The following CFAP70 variants were observed in gnomAD, a reference collection of about 807,000 sequenced individuals.
The protein encoded by CFAP70 is cilia and flagella associated protein 70.
CFAP70 carries 81 observed loss-of-function variants against 137.6 expected under a neutral mutation model. The observed-to-expected ratio is 0.59, with a 90% confidence interval of 0.49 to 0.71. The LOEUF is 0.71. Ranked by LOEUF, CFAP70 falls within the 30% of genes least tolerant of loss-of-function variation. The pLI, the probability that CFAP70 is intolerant of heterozygous loss-of-function variation, is 0.00. For missense variants in CFAP70, 976 were observed against 1,226.7 expected, an observed-to-expected ratio of 0.80 and a Z score of 3.05; for synonymous variants, 382 against 423.6, an observed-to-expected ratio of 0.90 and a Z score of 1.20.
chr10:73,351,109 A>ATATATATG (rs1554929843), intron 3 of CFAP70, among the ~76,000 whole-genome samples: 2 of 92,870 alleles, frequency 2.2e-5, no homozygotes, highest in African/African-American at 5.9e-5. Context: ...ATATATATAT[A>ATATATATG]TATGTATGTT....
intron 25 of CFAP70, among the ~76,000 whole-genome samples, chr10:73,267,930 G>A (rs1204590660): frequency 6.6e-6 from 1 of 152,108 alleles, no homozygotes; most frequent in East Asian, 1.9e-4. Context: ...TTGACATGTG[G>A]TCCTTCTCCA....
At chr10:73,334,665 C>T (rs1338067887) in intron 7 of CFAP70, among the ~76,000 whole-genome samples, 2 of 151,772 alleles carry the variant, frequency 1.3e-5, no homozygotes, top group Admixed American at 1.3e-4. Flanking sequence ...CTACAACCTC[C>T]ACCTCCTGGG....
At chr10:73,288,551 C>T (rs1374397769) in intron 19 of CFAP70, among the ~76,000 whole-genome samples, 1 of 152,162 alleles carries the variant, frequency 6.6e-6, no homozygotes, top group Non-Finnish European at 1.5e-5. Context: ...ACTGCCAGCA[C>T]TTGGGTTCAT....
rs1171257080 is a variant in CFAP70 at position 73,269,802 on chromosome 10, T to C, written c.2926-87A>G. The C allele has an allele frequency of 1.2e-5, 8 of 689,968 alleles. No homozygotes were observed. In the African/African-American group the frequency reaches 1.4e-4, roughly 12 times the overall value. The allele number at this position is 689,968 out of a possible 1,614,324, so 42.7% of individuals were successfully genotyped here. A position where few individuals can be genotyped will look rare whatever the true frequency, so the allele number is the denominator to read the frequency against. On this transcript the variant is annotated intron_variant, in intron 24 of 26. Coordinates refer to ENST00000310715, the Ensembl canonical transcript of CFAP70. ...TGGTGTATATGACCTATACCAATGGTTTTCAACTTTTTAATATTTTTAGCA... is the reference window on the plus strand; with the variant it reads ...TGGTGTATATGACCTATACCAATGGCTTTCAACTTTTTAATATTTTTAGCA...
At chr10:73,287,611 C>A (rs899774758) in intron 19 of CFAP70, among the ~76,000 whole-genome samples, 4 of 152,052 alleles carry the variant, frequency 2.6e-5, no homozygotes, top group African/African-American at 9.7e-5. Context: ...TCTTAGGAAG[C>A]TTCTGGAGGA....
rs985308111 is a variant in CFAP70 at position 73,350,814 on chromosome 10, G to A, written c.251-2293C>T. Among the ~76,000 whole-genome samples the A allele has an allele frequency of 1.1e-4, 17 of 151,852 alleles. No homozygotes were observed. In the East Asian group the frequency reaches 3.3e-3, roughly 29 times the overall value. On this transcript the variant is annotated intron_variant, in intron 3 of 26. Transcript: ENST00000310715. ...CTCACTCTGTCACCTGGGCTGGAAG[G>A]CAGTGGTGCGCTCTCAGCTCACTGC...
At chr10:73,354,078 GGC>G (rs2054486759) in intron 2 of CFAP70, among the ~76,000 whole-genome samples, 1 of 152,130 alleles carries the variant, frequency 6.6e-6, no homozygotes, top group African/African-American at 2.4e-5. Flanking sequence ...GGAGTGCAGT[GGC>G]GCGATCTCAG....
intron 26 of CFAP70, among the ~76,000 whole-genome samples, chr10:73,255,037 C>T (rs1228515103): frequency 6.6e-6 from 1 of 152,072 alleles, no homozygotes; most frequent in South Asian, 2.1e-4. Context: ...CTGAAGTGGG[C>T]GGATCACTTG....
At chr10:73,254,000 A>G (rs781065003) in exon 27 of CFAP70, 23 of 1,606,458 alleles carry the variant, frequency 1.4e-5, no homozygotes, top group Middle Eastern at 1.7e-4. Flanking sequence ...TCCAAAGCCA[A>G]CTGTTTCCTG....
At chr10:73,330,956 T>C (rs1361557112) in intron 8 of CFAP70, among the ~76,000 whole-genome samples, 1 of 152,074 alleles carries the variant, frequency 6.6e-6, no homozygotes, top group Non-Finnish European at 1.5e-5. Context: ...GGAACTAGGG[T>C]GGTCAATAAT....
At chr10:73,344,109 C>T (rs916976002) in intron 5 of CFAP70, among the ~76,000 whole-genome samples, 3 of 151,802 alleles carry the variant, frequency 2.0e-5, no homozygotes, top group African/African-American at 4.8e-5. Context: ...ATTACAGGCA[C>T]CCACCACCAT....
At chr10:73,262,952 T>A (rs916047066) in intron 25 of CFAP70, among the ~76,000 whole-genome samples, 1 of 152,190 alleles carries the variant, frequency 6.6e-6, no homozygotes. Flanking sequence ...TCAGAGTGTG[T>A]TTTCTAAAAT....
At chr10:73,330,592 TA>T (rs1237711567) in intron 8 of CFAP70, among the ~76,000 whole-genome samples, 16 of 152,176 alleles carry the variant, frequency 1.1e-4, no homozygotes, top group Non-Finnish European at 2.1e-4. Flanking sequence ...AGCCTATGTT[TA>T]AAGTCAGCCA....
chr10:73,254,570 A>G (rs536506278), intron 26 of CFAP70, among the ~76,000 whole-genome samples: 16 of 152,352 alleles, frequency 1.1e-4, no homozygotes, highest in Non-Finnish European at 1.8e-4. Context: ...CAGTCAGCTA[A>G]AAAGCCACAT....
chr10:73,258,679 G>C (rs1260519023), intron 25 of CFAP70, among the ~76,000 whole-genome samples: 1 of 152,204 alleles, frequency 6.6e-6, no homozygotes, highest in Non-Finnish European at 1.5e-5. Context: ...AAATATCGCT[G>C]AATTCTTTTT....
At chr10:73,281,336 C>A (rs1333807741) in intron 19 of CFAP70, among the ~76,000 whole-genome samples, 1 of 150,996 alleles carries the variant, frequency 6.6e-6, no homozygotes, top group East Asian at 2.0e-4. Flanking sequence ...AGACATGCCA[C>A]CACACCTGGC....
chr10:73,277,089 G>A, intron 21 of CFAP70, 151 bp downstream of exon 22: 1 of 951,844 alleles, frequency 1.1e-6, no homozygotes, highest in Non-Finnish European at 1.5e-6. Flanking sequence ...TTCATGTTTG[G>A]ATGTTCTTTC....
At chr10:73,291,325 C>T (rs765257235) in exon 19 of CFAP70, 1 of 1,614,198 alleles carries the variant, frequency 6.2e-7, no homozygotes, top group South Asian at 1.1e-5. Flanking sequence ...GTGTCTTCTA[C>T]ACCAGTGCTC....
chr10:73,285,821 GAT>G, intron 19 of CFAP70, among the ~76,000 whole-genome samples: 1 of 151,884 alleles, frequency 6.6e-6, no homozygotes, highest in Non-Finnish European at 1.5e-5. Context: ...TTTTAGTAGA[GAT>G]GGGGTTTCAC....
Sources: allele counts gnomAD v4.1 joint callset (sites outside exome capture counted in the v4.1 genomes callset), GRCh38; gene constraint gnomAD v4.1.1; transcripts MANE v1.5; gene names NCBI Gene and HGNC (gene_info 2026-07-23, HGNC 2026-07-21).